Variants in LHFPL3 observed in about 807,000 individuals in gnomAD.
The protein encoded by LHFPL3 is LHFPL tetraspan subfamily member 3, also known as LHFPL tetraspan subfamily member 3 protein.
A neutral mutation model predicts 19.3 loss-of-function variants in LHFPL3; 5 were observed. The ratio of observed to expected loss-of-function variants is 0.26; its 90% confidence interval spans 0.14 to 0.54. The LOEUF (loss-of-function observed/expected upper bound fraction) is 0.54. LHFPL3 is among the 20% of genes least tolerant of loss of function. The pLI, the probability that LHFPL3 is intolerant of heterozygous loss-of-function variation, is 0.94. For synonymous variants in LHFPL3, 133 were observed against 126.2 expected (o/e 1.05, Z -0.36); for missense variants, 249 against 307.4 (o/e 0.81, Z 1.42).
chr7:104,350,406 T>G (rs1790150820), intron 1 of LHFPL3, among the ~76,000 whole-genome samples: 2 of 152,210 alleles, frequency 1.3e-5, no homozygotes, highest in Admixed American at 1.3e-4. Context: ...GTAACTACTG[T>G]GCTCAACTGT....
intron 1 of LHFPL3, among the ~76,000 whole-genome samples, chr7:104,638,372 C>CT (rs918712685): frequency 8.0e-5 from 12 of 149,110 alleles, no homozygotes; most frequent in East Asian, 2.0e-4. Context: ...ATTTGAATGC[C>CT]TTTTTTTTTT....
At chr7:104,344,166 G>A (rs62486480) in intron 1 of LHFPL3, among the ~76,000 whole-genome samples, 2 of 151,990 alleles carry the variant, frequency 1.3e-5, no homozygotes, top group Non-Finnish European at 2.9e-5. Context: ...TTATAATACT[G>A]GATTTTCTAA....
intron 1 of LHFPL3, among the ~76,000 whole-genome samples, chr7:104,335,656 A>C (rs1468802216): frequency 6.6e-6 from 1 of 152,190 alleles, no homozygotes; most frequent in Non-Finnish European, 1.5e-5. Flanking sequence ...AAATATAATA[A>C]AGTACTTCTA....
At chr7:104,407,468 C>T (rs1480647449) in intron 1 of LHFPL3, among the ~76,000 whole-genome samples, 1 of 152,104 alleles carries the variant, frequency 6.6e-6, no homozygotes, top group Non-Finnish European at 1.5e-5. Context: ...ACCAGCATGG[C>T]CTACATGGAG....
intron 2 of LHFPL3, among the ~76,000 whole-genome samples, chr7:104,846,242 G>A (rs902868225): frequency 2.2e-4 from 33 of 152,238 alleles, no homozygotes; most frequent in African/African-American, 7.7e-4. Flanking sequence ...TGGGAAGGAG[G>A]GATTTGTCCC....
intron 2 of LHFPL3, among the ~76,000 whole-genome samples, chr7:104,840,537 T>C (rs1175345697): frequency 7.1e-6 from 1 of 141,394 alleles, no homozygotes; most frequent in East Asian, 2.5e-4. Flanking sequence ...TAGGCTGGTC[T>C]TGAACTCCTG....
intron 1 of LHFPL3, among the ~76,000 whole-genome samples, chr7:104,491,479 A>AC (rs1449294905): frequency 6.6e-6 from 1 of 151,924 alleles, no homozygotes; most frequent in East Asian, 1.9e-4. Flanking sequence ...GTAAAAAAAA[A>AC]AACAAATTAT....
At chr7:104,448,128 A>C (rs1028087042) in intron 1 of LHFPL3, among the ~76,000 whole-genome samples, 1 of 152,140 alleles carries the variant, frequency 6.6e-6, no homozygotes. Context: ...CCCTCAAGTC[A>C]TGGATATAGC....
At chr7:104,440,465 A>G (rs1412760496) in intron 1 of LHFPL3, among the ~76,000 whole-genome samples, 1 of 151,626 alleles carries the variant, frequency 6.6e-6, no homozygotes, top group African/African-American at 2.4e-5. Context: ...CCTAATGTAA[A>G]TGACGAGTTA....
In LHFPL3 at chr7:104,705,123, G is replaced by T. The variant is rs565810272; in HGVS notation, c.446-31552G>T. ...AAGATTTATTTCTTAAATATAAGAA[G>T]TTTATAAATTTTACCAAGCTATGGC... On this transcript the variant is annotated intron_variant, in intron 1 of 2. Transcript: ENST00000424859. Among the ~76,000 whole-genome samples, 4 of 152,220 alleles carry T rather than the reference G, an allele frequency of 2.6e-5. No homozygotes were observed. The East Asian group carries it at 7.7e-4, about 29-fold the overall frequency.
chr7:104,432,155 G>C (rs1052117900), intron 1 of LHFPL3, among the ~76,000 whole-genome samples: 4 of 152,170 alleles, frequency 2.6e-5, no homozygotes, highest in African/African-American at 9.7e-5. Context: ...ATAGCACCAG[G>C]CTCCACTTGG....
intron 2 of LHFPL3, among the ~76,000 whole-genome samples, chr7:104,901,298 T>C (rs1792478635): frequency 6.6e-6 from 1 of 152,218 alleles, no homozygotes; most frequent in African/African-American, 2.4e-5. Context: ...TTTCCTGATA[T>C]TCTGTGGGGA....
At chr7:104,844,096 C>T (rs185433434) in intron 2 of LHFPL3, among the ~76,000 whole-genome samples, 1 of 152,332 alleles carries the variant, frequency 6.6e-6, no homozygotes, top group East Asian at 1.9e-4. Context: ...TCCCATCCTT[C>T]CCTGTTTGAC....
At chr7:104,368,402 T>C (rs1212429904) in intron 1 of LHFPL3, among the ~76,000 whole-genome samples, 1 of 152,132 alleles carries the variant, frequency 6.6e-6, no homozygotes, top group Non-Finnish European at 1.5e-5. Flanking sequence ...TAAGATTGAT[T>C]TTAGCTTAAC....
At chr7:104,596,127 A>T (rs1488943720) in intron 1 of LHFPL3, among the ~76,000 whole-genome samples, 1 of 152,134 alleles carries the variant, frequency 6.6e-6, no homozygotes, top group African/African-American at 2.4e-5. Flanking sequence ...TGCAGAAATC[A>T]CCCGTCTTCC....
chr7:104,875,357 C>T (rs1306509298), intron 2 of LHFPL3, among the ~76,000 whole-genome samples: 1 of 152,172 alleles, frequency 6.6e-6, no homozygotes, highest in African/African-American at 2.4e-5. Context: ...CACCCTCCAG[C>T]CACCCTCTAT....
chr7:104,837,901 G>C (rs948771835), intron 2 of LHFPL3, among the ~76,000 whole-genome samples: 1 of 152,122 alleles, frequency 6.6e-6, no homozygotes, highest in Non-Finnish European at 1.5e-5. Context: ...AGTGATTCTT[G>C]AACGAATAAA....
chr7:104,339,563 G>A (rs958844478), intron 1 of LHFPL3, among the ~76,000 whole-genome samples: 3 of 152,314 alleles, frequency 2.0e-5, no homozygotes, highest in East Asian at 3.9e-4. Flanking sequence ...GATTCCCACT[G>A]CAGTTCCATT....
At chr7:104,600,739 G>T (rs1045350972) in intron 1 of LHFPL3, among the ~76,000 whole-genome samples, 3 of 152,304 alleles carry the variant, frequency 2.0e-5, no homozygotes, top group Admixed American at 2.0e-4. Context: ...CCTATAAGGG[G>T]ATGTACTGTT....
Sources: allele counts gnomAD v4.1 joint callset (sites outside exome capture counted in the v4.1 genomes callset), GRCh38; gene constraint gnomAD v4.1.1; transcripts MANE v1.5; gene names NCBI Gene and HGNC (gene_info 2026-07-23, HGNC 2026-07-21).